The following COL11A1 variants were observed in gnomAD, a reference collection of about 807,000 sequenced individuals.
COL11A1 encodes the protein collagen type XI alpha 1 chain.
A neutral mutation model predicts 265.2 loss-of-function variants in COL11A1; 74 were observed. The ratio of observed to expected loss-of-function variants is 0.28; its 90% CI spans 0.23 to 0.34. The LOEUF (loss-of-function observed/expected upper bound fraction) is 0.34. Among genes scored for constraint, COL11A1 ranks in the 10% least tolerant of loss-of-function variants. The probability of loss-of-function intolerance (pLI) is 1.00; values close to 1 mark genes in which losing one functional copy is unlikely to be tolerated. For synonymous variants in COL11A1, 816 were observed against 727.6 expected (o/e 1.12, Z -1.96); for missense variants, 2,165 against 2,263.6 (o/e 0.96, Z 0.88).
intron 43 of COL11A1, among the ~76,000 whole-genome samples, chr1:102,939,759 T>C (rs1189211363): frequency 6.6e-6 from 1 of 152,250 alleles, no homozygotes; most frequent in South Asian, 2.1e-4. Context: ...TCTTTTCTGC[T>C]AATTTTCCAG....
chr1:103,006,624 G>C (rs1021468983), intron 15 of COL11A1, among the ~76,000 whole-genome samples: 6 of 128,006 alleles, frequency 4.7e-5, no homozygotes, highest in Non-Finnish European at 1.6e-5. Context: ...TGCAAGCTCT[G>C]CCTCCCAGGT....
At chr1:103,068,480 G>C (rs1380944572) in intron 4 of COL11A1, among the ~76,000 whole-genome samples, 1 of 151,444 alleles carries the variant, frequency 6.6e-6, no homozygotes, top group African/African-American at 2.4e-5. Flanking sequence ...AAAACTTTCA[G>C]CCAACATCAT....
At chr1:103,000,144 A>G (rs1007183843) in intron 24 of COL11A1, among the ~76,000 whole-genome samples, 1 of 151,914 alleles carries the variant, frequency 6.6e-6, no homozygotes, top group Non-Finnish European at 1.5e-5. Context: ...TCTAGTACAT[A>G]CATGATAAAA....
chr1:102,996,839 C>T (rs1402175359), intron 26 of COL11A1, among the ~76,000 whole-genome samples: 2 of 151,790 alleles, frequency 1.3e-5, no homozygotes, highest in Non-Finnish European at 2.9e-5. Flanking sequence ...ATCATTTACT[C>T]CATATATAAT....
intron 54 of COL11A1, among the ~76,000 whole-genome samples, chr1:102,906,277 G>A (rs2100981004): frequency 6.6e-6 from 1 of 152,266 alleles, no homozygotes; most frequent in Middle Eastern, 3.4e-3. Flanking sequence ...GCAAGGATTT[G>A]AAACAAGTTC....
At chr1:102,945,526 C>T (rs1345144283) in intron 42 of COL11A1, among the ~76,000 whole-genome samples, 1 of 152,088 alleles carries the variant, frequency 6.6e-6, no homozygotes, top group African/African-American at 2.4e-5. Context: ...AGCAAATCAA[C>T]TTGATAAAAC....
At chr1:102,967,631 T>C (rs1022429752) in intron 37 of COL11A1, among the ~76,000 whole-genome samples, 2 of 152,188 alleles carry the variant, frequency 1.3e-5, no homozygotes, top group African/African-American at 4.8e-5. Flanking sequence ...TTTGATAATG[T>C]ATCCTAAATT....
chr1:102,883,035 T>A (rs1285063002), intron 64 of COL11A1, among the ~76,000 whole-genome samples, 164 bp downstream of exon 64: 1 of 152,218 alleles, frequency 6.6e-6, no homozygotes, highest in Non-Finnish European at 1.5e-5. Flanking sequence ...ACTCTGTGCA[T>A]CAATTTGGTG....
At chr1:102,955,480 T>C (rs1660284595) in intron 41 of COL11A1, among the ~76,000 whole-genome samples, 1 of 152,192 alleles carries the variant, frequency 6.6e-6, no homozygotes, top group Non-Finnish European at 1.5e-5. Context: ...TCTCATATAC[T>C]TTCTGCATGT....
chr1:102,879,785 T>C lies in COL11A1; in HGVS notation c.5172A>G (p.Ser1724=), dbSNP rs771335964. ...CHQSAAWYDV[S]SGSYDKALRF... ...GAAGTGCTTTGTCATAACTTCCTGA[T>C]GACACATCATACCAGGCTGCTGACT... Residue 1724 remains serine, a synonymous_variant, in exon 66 of 67, where the codon TCA becomes TCG. Coordinates refer to ENST00000370096, the MANE Select transcript of COL11A1 (RefSeq NM_001854.4). The C allele has an allele frequency of 6.2e-7, 1 of 1,613,988 alleles. No individual in the cohort carries two copies. The highest frequency in any genetic ancestry group is 1.1e-5 in the South Asian group (1 of 91,082).
At position 102,934,008 on chromosome 1, in the gene COL11A1, G is replaced by A. The variant is rs912240926; in HGVS notation, c.3600+441C>T. Among the ~76,000 whole-genome samples the A allele has an allele frequency of 2.0e-5, 3 of 152,148 alleles. No homozygotes were observed. The East Asian group carries it at 5.8e-4, about 29-fold the overall frequency. On this transcript the variant is annotated intron_variant, in intron 46 of 66. Coordinates refer to ENST00000370096, the MANE Select transcript of COL11A1 (RefSeq NM_001854.4). ...ACTGTCTGGCACTCCCTAGTGAGAT[G>A]AACCCGGTACCTCAGATGAAAATGC...
intron 6 of COL11A1, chr1:103,025,884 C>G (rs1667470047): frequency 2.5e-6 from 4 of 1,612,952 alleles, no homozygotes; most frequent in Admixed American, 1.7e-5. Context: ...GGGGTGTAAA[C>G]TTTTTGGATT....
intron 41 of COL11A1, among the ~76,000 whole-genome samples, chr1:102,948,854 A>G (rs906910015): frequency 2.6e-5 from 4 of 152,008 alleles, no homozygotes; most frequent in African/African-American, 7.2e-5. Flanking sequence ...ATAGAAGTCA[A>G]TGCAGTAGAA....
At chr1:103,038,994 T>C (rs1668601480) in intron 4 of COL11A1, among the ~76,000 whole-genome samples, 2 of 152,132 alleles carry the variant, frequency 1.3e-5, no homozygotes, top group African/African-American at 4.8e-5. Flanking sequence ...AAGTAAGCAA[T>C]GGTAGGATGG....
At chr1:102,978,649 C>G (rs1465547657) in intron 35 of COL11A1, 59 bp downstream of exon 35, 4 of 1,555,372 alleles carry the variant, frequency 2.6e-6, no homozygotes, top group Non-Finnish European at 3.5e-6. Flanking sequence ...TCTCTGAAAT[C>G]TAAATACTTG....
chr1:103,078,475 T>C (rs1558032263), intron 3 of COL11A1, among the ~76,000 whole-genome samples, 183 bp downstream of exon 3: 1 of 152,148 alleles, frequency 6.6e-6, no homozygotes, highest in Non-Finnish European at 1.5e-5. Flanking sequence ...GTAATTTATT[T>C]TGAAAACATT....
intron 1 of COL11A1, among the ~76,000 whole-genome samples, chr1:103,092,479 T>G (rs1185200725): frequency 6.6e-6 from 1 of 152,120 alleles, no homozygotes; most frequent in Non-Finnish European, 1.5e-5. Flanking sequence ...ACACAGATCA[T>G]ACATGGCACC....
rs930762401 is a variant in COL11A1, at chr1:102,915,660, G to A, written c.3787C>T (p.Pro1263Ser). 1.9e-6 allele frequency: 3 copies of A among 1,612,920 alleles called. No homozygotes were observed. Among genetic ancestry groups the A allele is most frequent in the Non-Finnish European group, 2.5e-6 (3 of 1,179,158 alleles). Residue 1263 changes from proline to serine, a missense_variant, in exon 50 of 67, where the codon CCA (proline) becomes TCA (serine). Coordinates refer to ENST00000370096, the MANE Select transcript of COL11A1 (RefSeq NM_001854.4). ...EKGEPGEAGN[P>S]GPPGEAGVGG... is the part of the protein sequence containing the mutation. The stretch of plus-strand genomic sequence containing the variant: ...ACACCTGCTTCCCCAGGAGGCCCTG[G>A]GTTCCCTGCTTCTCCAGGTTCACCC...
At chr1:102,940,518 A>T in intron 42 of COL11A1, 84 bp from the exon 43 acceptor site, 3 of 988,610 alleles carry the variant, frequency 3.0e-6, no homozygotes, top group Non-Finnish European at 4.7e-6. Context: ...ATATTTGACA[A>T]GGATATTGTT....
Sources: gnomAD v4.1 joint callset for allele counts (sites outside exome capture counted in the v4.1 genomes callset) on GRCh38, gnomAD v4.1.1 for gene constraint, MANE v1.5 for transcripts, NCBI Gene and HGNC (gene_info 2026-07-23, HGNC 2026-07-21) for gene names.